The following PSTK variants were observed in gnomAD, a reference collection of about 807,000 sequenced individuals.
PSTK encodes L-seryl-tRNA(Sec) kinase.
In PSTK, 26 loss-of-function variants were observed where a neutral mutation model predicts 38.6. That is an observed-to-expected ratio of 0.67 (90% CI 0.49 to 0.94). PSTK has a LOEUF of 0.94. Among genes scored for constraint, PSTK ranks in the 40% least tolerant of loss-of-function variants. The pLI, the probability that PSTK is intolerant of heterozygous loss-of-function variation, is 0.00. For synonymous variants in PSTK, 181 were observed against 161.7 expected, an observed-to-expected ratio of 1.12 and a Z score of -0.91; for missense variants, 445 against 436.3, an observed-to-expected ratio of 1.02 and a Z score of -0.18.
intron 5 of PSTK, among the ~76,000 whole-genome samples, chr10:122,987,881 C>G (rs1276928234): frequency 6.6e-6 from 1 of 152,190 alleles, no homozygotes; most frequent in African/African-American, 2.4e-5. Context: ...AGAATTACAT[C>G]CAGTTCCAGT....
At position 122,980,754 on chromosome 10, in the gene PSTK, G is replaced by GCGGGGCGGGGCGGGT; in HGVS notation, c.216+64_216+65insCGGGGCGGGTCGGGG. 8.0e-7 allele frequency: 1 copy of GCGGGGCGGGGCGGGT among 1,248,204 alleles called. No individual in the cohort carries two copies. The highest frequency in any genetic ancestry group is 3.4e-5 in the East Asian group (1 of 29,534). The allele number at this position is 1,248,204 out of a possible 1,614,324, so 77.3% of individuals were successfully genotyped here. ...GCGGGGCGGGGCGGGGCGGGGCGGG[G>GCGGGGCGGGGCGGGT]CGGGGACACTCGCGTCCACGCGGTC... On this transcript the variant is annotated intron_variant, in intron 1 of 5. Transcript: ENST00000406217. The surrounding 1 kb of genome is among the most constrained non-coding windows in gnomAD (Gnocchi z 4.3).
chr10:122,983,484 T>G lies in PSTK; in HGVS notation c.707+14T>G. On this transcript the variant is annotated intron_variant, in intron 3 of 5. Transcript: ENST00000406217. ...TTCGGAGGCCAGGTATTCCACTCAA[T>G]CATCCCTCCCTGGATGCTCCCCTGT... 6.2e-7 allele frequency: 1 copy of G among 1,610,536 alleles called. No homozygotes were observed. The highest frequency in any genetic ancestry group is 8.5e-7 in the Non-Finnish European group (1 of 1,178,730).
intron 5 of PSTK, chr10:122,987,252 T>A: frequency 6.7e-7 from 1 of 1,498,764 alleles, no homozygotes; most frequent in Non-Finnish European, 9.0e-7. Context: ...AAAACATGAT[T>A]ACATGAGTAT....
intron 5 of PSTK, 80 bp downstream of exon 5, chr10:122,987,042 A>T: frequency 9.9e-7 from 1 of 1,009,522 alleles, no homozygotes; most frequent in Admixed American, 2.0e-5. Context: ...CTCAGAGTTT[A>T]TTAGTTTTCA....
chr10:122,983,403 C>A lies in PSTK; in HGVS notation c.640C>A (p.Pro214Thr). The change falls in exon 3 of 6, where the codon CCT becomes ACT. Residue 214 changes from proline (P) to threonine (T), a missense_variant. By Grantham distance (38) the Pro-to-Thr change is conservative (BLOSUM62 -1). Coordinates refer to ENST00000406217, the MANE Select transcript of PSTK (RefSeq NM_001363531.2). The part of the protein sequence containing the change: ...LMGRKLEKPN[P>T]EKNAWEHNSL... Reference sequence around the variant, plus strand: ...GGGAAGAAAGCTAGAAAAGCCCAACCCTGAGAAAAATGCTTGGGAACACAA... The same window carrying A: ...GGGAAGAAAGCTAGAAAAGCCCAACACTGAGAAAAATGCTTGGGAACACAA... The A allele has an allele frequency of 6.2e-7, 1 of 1,614,136 alleles. No homozygotes were observed. Among genetic ancestry groups the A allele is most frequent in the South Asian group, 1.1e-5 (1 of 91,082 alleles).
rs749464166 is a variant in PSTK, at chr10:122,986,292, C to G, written c.708-8C>G. 7.2e-6 allele frequency: 11 copies of G among 1,524,342 alleles called. No individual in the cohort carries two copies. Among genetic ancestry groups the G allele is most frequent in the Admixed American group, 1.9e-5 (1 of 52,214 alleles). 94.4% of individuals were successfully genotyped at this position (1,524,342 alleles called of 1,614,324 possible). ...GATCTATTGTATTTTATCCCATTTT[C>G]TCTGTAGCCTGGAAGTGACTGATTT... On this transcript the variant is annotated splice_region_variant and splice_polypyrimidine_tract_variant and intron_variant, in intron 3 of 5. Transcript: ENST00000406217.
chr10:122,981,281 G>T (rs768373856), intron 1 of PSTK, among the ~76,000 whole-genome samples: 17 of 152,310 alleles, frequency 1.1e-4, no homozygotes, highest in African/African-American at 4.1e-4. Context: ...AAGTAAATCT[G>T]CCTCTGCCAG....
intron 5 of PSTK, chr10:122,987,212 G>T: frequency 7.4e-7 from 1 of 1,352,090 alleles, no homozygotes; most frequent in Non-Finnish European, 1.0e-6. Context: ...GAATCGGCAG[G>T]GAGCAGAACA....
chr10:122,987,230 G>C (rs970420078), intron 5 of PSTK: 4 of 1,430,702 alleles, frequency 2.8e-6, no homozygotes, highest in Non-Finnish European at 3.8e-6. Flanking sequence ...ACATTCTAAT[G>C]AGGAGACAGA....
intron 5 of PSTK, chr10:122,987,422 T>C (rs1849050448): frequency 1.2e-6 from 2 of 1,614,002 alleles, no homozygotes; most frequent in African/African-American, 2.7e-5. Flanking sequence ...TTCTAGGCAA[T>C]GAACACATCA....
At chr10:122,987,500 G>T in intron 5 of PSTK, 2 of 1,613,844 alleles carry the variant, frequency 1.2e-6, no homozygotes, top group Non-Finnish European at 1.7e-6. Context: ...TGAGCACGGG[G>T]TGAGGTAAGA....
At chr10:122,986,834 T>C (rs754975065) in intron 4 of PSTK, 35 bp from the exon 5 acceptor site, 3 of 1,327,172 alleles carry the variant, frequency 2.3e-6, no homozygotes, top group Admixed American at 1.8e-5. Flanking sequence ...TATAAAACTA[T>C]GTGACTTCTA....
At chr10:122,982,490 G>A in intron 1 of PSTK, 1 of 515,962 alleles carries the variant, frequency 1.9e-6, no homozygotes, top group South Asian at 2.5e-5. Context: ...ATGGGCAAGG[G>A]AGAGGCTGAG....
chr10:122,989,207 G>T (rs1849083525), intron 5 of PSTK, among the ~76,000 whole-genome samples: 1 of 150,688 alleles, frequency 6.6e-6, no homozygotes, highest in African/African-American at 2.4e-5. Flanking sequence ...GGGGTGGGCA[G>T]AAGGGAAGGT....
At position 122,983,262 on chromosome 10, in the gene PSTK, CT is replaced by C; in HGVS notation, c.509-9del. ...ATACCAGTAATTCTATCATTTTAAA[CT>C]GTTTTCAGATTCGTTGGGCTTTTGC... On this transcript the variant is annotated splice_polypyrimidine_tract_variant and intron_variant, in intron 2 of 5. Transcript: ENST00000406217. 7.5e-6 allele frequency: 12 copies of C among 1,592,564 alleles called. No individual in the cohort carries two copies. Among genetic ancestry groups the C allele is most frequent in the Non-Finnish European group, 1.0e-5 (12 of 1,169,640 alleles).
chr10:122,984,711 G>C (rs1338244276), intron 3 of PSTK: 1 of 152,136 alleles, frequency 6.6e-6, no homozygotes, highest in African/African-American at 2.4e-5. Context: ...GTGAAACCCT[G>C]TCTCTAAACA....
Position 122,990,174 on chromosome 10 carries a change from A to G in PSTK, c.878A>G (p.Asp293Gly). The G allele has an allele frequency of 6.6e-7, 1 of 1,512,772 alleles. No homozygotes were observed. The allele number at this position is 1,512,772 out of a possible 1,614,324, so 93.7% of individuals were successfully genotyped here. Residue 293 changes from aspartate to glycine, a missense_variant and splice_region_variant, in exon 6 of 6, where the codon GAT becomes GGT. Transcript: ENST00000406217. ...IVSQTMKEAK[D>G]EQVLPHNLKL... ...ATTTGAGAATATCTTTTTATTTTAG[A>G]TGAACAAGTGCTTCCTCACAACTTG...
At chr10:122,988,679 A>G (rs982133493) in intron 5 of PSTK, among the ~76,000 whole-genome samples, 2 of 152,214 alleles carry the variant, frequency 1.3e-5, no homozygotes, top group South Asian at 2.1e-4. Context: ...AATCAAAACC[A>G]TAAGATAGCA....
At chr10:122,987,559 G>T in intron 5 of PSTK, 3 of 1,589,352 alleles carry the variant, frequency 1.9e-6, no homozygotes, top group Non-Finnish European at 1.7e-6. Context: ...CATGGAATTT[G>T]AGTAAAGTCA....
Sources: allele counts gnomAD v4.1 joint callset (sites outside exome capture counted in the v4.1 genomes callset), GRCh38; gene constraint gnomAD v4.1.1; non-coding constraint Gnocchi (gnomAD v3.1); transcripts MANE v1.5; gene names NCBI Gene and HGNC (gene_info 2026-07-23, HGNC 2026-07-21).